Variants in ANTXR2 observed in about 807,000 individuals in gnomAD.
The protein encoded by ANTXR2 is ANTXR cell adhesion molecule 2, also known as anthrax toxin receptor 2.
A neutral mutation model predicts 73.7 loss-of-function variants in ANTXR2; 44 were observed. The ratio of observed to expected loss-of-function variants is 0.60; its 90% CI spans 0.47 to 0.77. ANTXR2 has a LOEUF of 0.77. Ranked by LOEUF, ANTXR2 falls within the 30% of genes least tolerant of loss-of-function variation. The pLI is 0.00. For synonymous variants in ANTXR2, 217 were observed against 205.9 expected (o/e 1.05, Z -0.46); for missense variants, 604 against 592.5 (o/e 1.02, Z -0.20).
rs10549471 is a variant in ANTXR2 at position 79,966,127 on chromosome 4, GACACAC to G, written c.1428+11488_1428+11493del. Among the ~76,000 whole-genome samples the G allele has an allele frequency of 7.2e-4, 108 of 149,408 alleles. 1 individual carries two copies. Among genetic ancestry groups the G allele is most frequent in the Non-Finnish European group, 1.3e-3 (86 of 67,416 alleles). On this transcript the variant is annotated intron_variant, in intron 16 of 16. Coordinates refer to ENST00000403729, the MANE Select transcript of ANTXR2 (RefSeq NM_058172.6). Reference sequence around the variant, plus strand: ...CAATGAATGATTATGCTAGGACTTAGACACACACACACACACACACACACACACTAC... The same window carrying G: ...CAATGAATGATTATGCTAGGACTTAGACACACACACACACACACACACTAC...
At chr4:80,040,591 G>C (rs1350815579) in intron 7 of ANTXR2, among the ~76,000 whole-genome samples, 2 of 152,050 alleles carry the variant, frequency 1.3e-5, no homozygotes, top group Admixed American at 1.3e-4. Context: ...TATAGCCTTA[G>C]CTGATATTAG....
intron 13 of ANTXR2, among the ~76,000 whole-genome samples, 153 bp from the exon 14 acceptor site, chr4:79,984,123 A>C (rs1191031944): frequency 2.0e-5 from 3 of 152,194 alleles, no homozygotes; most frequent in African/African-American, 7.2e-5. Flanking sequence ...ACTTACATGC[A>C]TAAATTTCAA....
At position 79,987,927 on chromosome 4, in the gene ANTXR2, T is replaced by C. The variant is rs115031507; in HGVS notation, c.1042-3064A>G. 7.0e-3 allele frequency among the ~76,000 whole-genome samples: 1,061 copies of C among 152,182 alleles called. 15 individuals carry two copies. Among genetic ancestry groups the C allele is most frequent in the African/African-American group, 0.024 (991 of 41,512 alleles). On this transcript the variant is annotated intron_variant, in intron 12 of 16. Transcript: ENST00000403729. Reference sequence around the variant, plus strand: ...TTCAAACAAGCAAATGCTAAGGGAATCCATTACTATCAGTTATGTTTACAA... The same window carrying C: ...TTCAAACAAGCAAATGCTAAGGGAACCCATTACTATCAGTTATGTTTACAA...
At chr4:80,028,973 C>T (rs1434664109) in intron 10 of ANTXR2, among the ~76,000 whole-genome samples, 1 of 152,110 alleles carries the variant, frequency 6.6e-6, no homozygotes. Context: ...TGTACCTGAT[C>T]CAGGAAAGGA....
Position 79,907,190 on chromosome 4 carries a change from A to G in ANTXR2, c.*239T>C, listed in dbSNP as rs899363714. The G allele has an allele frequency of 1.3e-5, 7 of 558,398 alleles. No individual in the cohort carries two copies. Among genetic ancestry groups the G allele is most frequent in the African/African-American group, 1.2e-4 (6 of 51,232 alleles). The allele number at this position is 558,398 out of a possible 1,614,324, so 34.6% of individuals were successfully genotyped here. On this transcript the variant is annotated 3_prime_UTR_variant, in exon 17 of 17. Coordinates refer to ENST00000403729, the MANE Select transcript of ANTXR2 (RefSeq NM_058172.6). ...AGGTCAATGTTCCTCTTTATTTTCA[A>G]TGTCATAAATCATGAGTTACCACTG... is the stretch of plus-strand genomic sequence containing the variant.
chr4:79,959,749 C>G (rs1400328108), intron 16 of ANTXR2, among the ~76,000 whole-genome samples: 1 of 152,150 alleles, frequency 6.6e-6, no homozygotes, highest in African/African-American at 2.4e-5. Flanking sequence ...GGCTAAGTCC[C>G]GCTAAACACA....
At chr4:80,034,343 C>T (rs1399786133) in intron 8 of ANTXR2, among the ~76,000 whole-genome samples, 3 of 152,098 alleles carry the variant, frequency 2.0e-5, no homozygotes, top group South Asian at 2.1e-4. Context: ...TAGTGATTAA[C>T]GCTTATTTAA....
At position 80,035,989 on chromosome 4, in the gene ANTXR2, G is replaced by A; in HGVS notation, c.680C>T (p.Ser227Leu). Residue 227 changes from serine to leucine, a missense_variant, in exon 8 of 17, where the codon TCA (serine) becomes TTA (leucine). By Grantham distance (145) the Ser-to-Leu change is moderately radical (BLOSUM62 -2). Coordinates refer to ENST00000403729, the MANE Select transcript of ANTXR2 (RefSeq NM_058172.6). ...ACACTTACCCCCCACACAGACACTTGAGGGCTGCAATTCTAGGATTTCAGT... is the reference window on the plus strand; with the variant it reads ...ACACTTACCCCCCACACAGACACTTAAGGGCTGCAATTCTAGGATTTCAGT... ...SCTEILELQP[S>L]SVCVGEEFQI... 6.5e-7 allele frequency: 1 copy of A among 1,539,172 alleles called. No homozygotes were observed.
intron 16 of ANTXR2, among the ~76,000 whole-genome samples, chr4:79,918,127 C>T (rs373131182): frequency 6.6e-6 from 1 of 151,960 alleles, no homozygotes; most frequent in African/African-American, 2.4e-5. Flanking sequence ...AGAAGAAACA[C>T]TCACTGAATT....
intron 16 of ANTXR2, among the ~76,000 whole-genome samples, chr4:79,935,491 G>A (rs1193531476): frequency 6.8e-6 from 1 of 148,096 alleles, no homozygotes; most frequent in Admixed American, 7.0e-5. Context: ...CATCAAAAGA[G>A]GAGCTCAAAG....
intron 7 of ANTXR2, among the ~76,000 whole-genome samples, chr4:80,046,239 C>T (rs1013742450): frequency 1.3e-5 from 2 of 151,710 alleles, no homozygotes; most frequent in African/African-American, 4.8e-5. Flanking sequence ...TCTTCCACAT[C>T]TCACAATTCT....
intron 16 of ANTXR2, among the ~76,000 whole-genome samples, chr4:79,917,225 T>C (rs1323118485): frequency 6.6e-6 from 1 of 151,432 alleles, no homozygotes; most frequent in African/African-American, 2.4e-5. Context: ...GGCAAGAGGG[T>C]AGAGAAATAT....
chr4:79,949,136 G>C (rs972806385), intron 16 of ANTXR2, among the ~76,000 whole-genome samples: 1 of 151,998 alleles, frequency 6.6e-6, no homozygotes, highest in African/African-American at 2.4e-5. Context: ...CATCAATTTA[G>C]GTATAAAATG....
chr4:80,057,938 G>A (rs1407642217), intron 3 of ANTXR2, among the ~76,000 whole-genome samples: 1 of 152,006 alleles, frequency 6.6e-6, no homozygotes, highest in Admixed American at 6.6e-5. Flanking sequence ...CATAAGTTAT[G>A]TAATTCATAA....
intron 16 of ANTXR2, among the ~76,000 whole-genome samples, chr4:79,943,683 T>C (rs1394211331): frequency 1.4e-5 from 2 of 143,056 alleles, no homozygotes; most frequent in East Asian, 2.1e-4. Flanking sequence ...CATGTATACA[T>C]ATGTAACTAA....
At chr4:80,050,142 C>T (rs902175162) in intron 7 of ANTXR2, among the ~76,000 whole-genome samples, 12 of 151,680 alleles carry the variant, frequency 7.9e-5, no homozygotes, top group Non-Finnish European at 1.6e-4. Flanking sequence ...ACTATAAGTC[C>T]CACCACAGGA....
intron 3 of ANTXR2, among the ~76,000 whole-genome samples, chr4:80,063,114 T>C (rs1255793779): frequency 6.6e-6 from 1 of 152,228 alleles, no homozygotes; most frequent in Admixed American, 6.5e-5. Flanking sequence ...ACCCATTGTG[T>C]TCTCTTTATG....
At chr4:79,927,053 G>C (rs1256364782) in intron 16 of ANTXR2, among the ~76,000 whole-genome samples, 1 of 90,734 alleles carries the variant, frequency 1.1e-5, no homozygotes, top group Non-Finnish European at 2.6e-5. Context: ...ATATGTGCGT[G>C]TGTGTGTGTA....
intron 10 of ANTXR2, among the ~76,000 whole-genome samples, chr4:80,028,752 C>G (rs1459037800): frequency 6.6e-6 from 1 of 152,140 alleles, no homozygotes; most frequent in Admixed American, 6.6e-5. Flanking sequence ...TATTAAGCAT[C>G]AGTCACCTTA....
Sources: gnomAD v4.1 joint callset for allele counts (sites outside exome capture counted in the v4.1 genomes callset) on GRCh38, gnomAD v4.1.1 for gene constraint, MANE v1.5 for transcripts, NCBI Gene and HGNC (gene_info 2026-07-23, HGNC 2026-07-21) for gene names.